LOXHD1: variants seen among roughly 807,000 people sequenced by gnomAD.
LOXHD1 encodes lipoxygenase homology domain-containing protein 1.
Under a neutral mutation model 248.2 loss-of-function variants are expected in LOXHD1, and 205 were observed. The ratio of observed to expected loss-of-function variants is 0.83; its 90% CI spans 0.74 to 0.93. The LOEUF (loss-of-function observed/expected upper bound fraction) is 0.93. Ranked by LOEUF, LOXHD1 falls within the 40% of genes least tolerant of loss-of-function variation. The pLI is 0.00. For synonymous variants in LOXHD1, 1,113 were observed against 1,162.8 expected (o/e 0.96, Z 0.87); for missense variants, 2,930 against 2,971.6 (o/e 0.99, Z 0.33).
Position 46,657,196 on chromosome 18 carries a change from A to C in LOXHD1, c.-163T>G. 2 of 1,165,310 alleles carry C rather than the reference A, an allele frequency of 1.7e-6. No individual in the cohort carries two copies. Among genetic ancestry groups the C allele is most frequent in the Non-Finnish European group, 2.4e-6 (2 of 836,216 alleles). 72.2% of individuals were successfully genotyped at this position (1,165,310 alleles called of 1,614,324 possible). On this transcript the variant is annotated 5_prime_UTR_variant, in exon 1 of 41. Transcript: ENST00000642948. Reference sequence around the variant, plus strand: ...CGTTTTCTTGGCTTCCCCGTGCCCAAGGTGCTGTTCCCTCTGCCTTCTCTG... The same window carrying C: ...CGTTTTCTTGGCTTCCCCGTGCCCACGGTGCTGTTCCCTCTGCCTTCTCTG...
intron 20 of LOXHD1, chr18:46,559,115 C>A: frequency 3.0e-6 from 4 of 1,329,956 alleles, no homozygotes; most frequent in Non-Finnish European, 3.9e-6. Context: ...CCCTAGTTTT[C>A]CCCCAAGACA....
At chr18:46,633,869 T>C (rs1413331868) in intron 4 of LOXHD1, among the ~76,000 whole-genome samples, 1 of 152,230 alleles carries the variant, frequency 6.6e-6, no homozygotes, top group Non-Finnish European at 1.5e-5. Context: ...CATGAAGAGA[T>C]TCTCAACATC....
chr18:46,530,604 G>A (rs1183676798), intron 28 of LOXHD1, among the ~76,000 whole-genome samples: 4 of 152,146 alleles, frequency 2.6e-5, no homozygotes, highest in African/African-American at 7.2e-5. Flanking sequence ...CCTCCCTGCC[G>A]TGAATGAGAT....
At chr18:46,480,222 T>C (rs1463517494) in intron 40 of LOXHD1, among the ~76,000 whole-genome samples, 1 of 152,198 alleles carries the variant, frequency 6.6e-6, no homozygotes, top group Non-Finnish European at 1.5e-5. Flanking sequence ...TTTTGCTCCC[T>C]CTTTGCTTGG....
intron 7 of LOXHD1, among the ~76,000 whole-genome samples, chr18:46,601,994 A>G (rs145342434): frequency 9.4e-4 from 143 of 152,266 alleles, no homozygotes; most frequent in African/African-American, 3.1e-3. Flanking sequence ...TGGTAGGGTG[A>G]GGAGGATTGA....
chr18:46,621,333 C>T (rs1482654012), intron 4 of LOXHD1, among the ~76,000 whole-genome samples: 1 of 152,216 alleles, frequency 6.6e-6, no homozygotes, highest in Non-Finnish European at 1.5e-5. Context: ...TATTACATTA[C>T]TCTTTTACCT....
In LOXHD1 at chr18:46,560,316, CTCT is replaced by C. The variant is rs142960762; in HGVS notation, c.2825_2827del (p.Lys942del). 0.019 allele frequency: 28,718 copies of C among 1,551,740 alleles called. 370 individuals carry two copies. Among genetic ancestry groups the C allele is most frequent in the Middle Eastern group, 0.043 (256 of 5,996 alleles). The stretch of plus-strand genomic sequence containing the variant: ...CTCGTCCTCTTCGTCGCTGCCCTTC[CTCT>C]TCTTCTTCTTCCTCTGCAGCTTGGC... On this transcript the variant is annotated inframe_deletion, in exon 19 of 41. Transcript: ENST00000642948.
chr18:46,571,399 G>A (rs1183918354), intron 15 of LOXHD1, among the ~76,000 whole-genome samples: 2 of 152,220 alleles, frequency 1.3e-5, no homozygotes, highest in Admixed American at 1.3e-4. Flanking sequence ...GAGCCTAGGA[G>A]GCTGAGGCTG....
intron 22 of LOXHD1, among the ~76,000 whole-genome samples, chr18:46,546,648 A>G (rs544012854): frequency 2.0e-5 from 3 of 151,848 alleles, no homozygotes; most frequent in Non-Finnish European, 4.4e-5. Context: ...AATCCATTCC[A>G]TTTCATTTCT....
At chr18:46,582,188 T>G (rs2037977079) in intron 12 of LOXHD1, among the ~76,000 whole-genome samples, 1 of 152,228 alleles carries the variant, frequency 6.6e-6, no homozygotes, top group Non-Finnish European at 1.5e-5. Flanking sequence ...TATCTCATAT[T>G]ACTGCATAAA....
At chr18:46,589,468 G>A (rs1387385306) in intron 12 of LOXHD1, among the ~76,000 whole-genome samples, 1 of 152,160 alleles carries the variant, frequency 6.6e-6, no homozygotes, top group African/African-American at 2.4e-5. Flanking sequence ...CATCACAGGT[G>A]AGCACCAGGA....
At chr18:46,492,252 C>T (rs2033539211) in intron 37 of LOXHD1, among the ~76,000 whole-genome samples, 1 of 152,208 alleles carries the variant, frequency 6.6e-6, no homozygotes, top group Non-Finnish European at 1.5e-5. Context: ...GGTGGATATC[C>T]TACTTGGCCT....
In LOXHD1 at chr18:46,545,318, A is replaced by G; in HGVS notation, c.3618T>C (p.Thr1206=). The change falls in exon 23 of 41, where the codon ACT becomes ACC. Residue 1206 remains threonine, a splice_region_variant and synonymous_variant. Transcript: ENST00000642948. ...CTTGGCCCTGCACTGCTTTCTTACCAGTGTCATCCTGTGTGCCAAAGAGTG... is the reference window on the plus strand; with the variant it reads ...CTTGGCCCTGCACTGCTTTCTTACCGGTGTCATCCTGTGTGCCAAAGAGTG... ...FITLFGTQDD[T]GMTLLKSSKT... 1 of 1,550,064 alleles carries G rather than the reference A, an allele frequency of 6.5e-7. No individual in the cohort carries two copies. The highest frequency in any genetic ancestry group is 8.7e-7 in the Non-Finnish European group (1 of 1,145,378).
chr18:46,525,917 T>A (rs191829117), intron 29 of LOXHD1, among the ~76,000 whole-genome samples: 9 of 152,256 alleles, frequency 5.9e-5, no homozygotes, highest in Admixed American at 5.9e-4. Flanking sequence ...AACAACATCC[T>A]GTGTGAGGAC....
At chr18:46,656,199 G>A (rs1361841172) in intron 1 of LOXHD1, among the ~76,000 whole-genome samples, 2 of 152,168 alleles carry the variant, frequency 1.3e-5, no homozygotes, top group South Asian at 4.1e-4. Flanking sequence ...GTGATAAGCT[G>A]GACGTCCACA....
At chr18:46,549,809 C>A (rs151110305) in intron 21 of LOXHD1, among the ~76,000 whole-genome samples, 2 of 152,114 alleles carry the variant, frequency 1.3e-5, no homozygotes, top group African/African-American at 2.4e-5. Context: ...CTTATAGGAC[C>A]CCCCAGGCCA....
At position 46,608,031 on chromosome 18, in the gene LOXHD1, AGGAG is replaced by A. The variant is rs1464282610; in HGVS notation, c.759+2741_759+2744del. Among the ~76,000 whole-genome samples, 10 of 135,942 alleles carry A rather than the reference AGGAG, an allele frequency of 7.4e-5. No homozygotes were observed. The East Asian group carries it at 1.9e-3, about 26-fold the overall frequency. 89.2% of individuals were successfully genotyped at this position (135,942 alleles called of 152,430 possible). On this transcript the variant is annotated intron_variant, in intron 6 of 40. Coordinates refer to ENST00000642948, the MANE Select transcript of LOXHD1 (RefSeq NM_001384474.1). ...GAAATTAAAAACAAACACGGAAGGA[AGGAG>A]GGAAGGAAGGAAGGAAGGAAGGAAG...
chr18:46,521,141 C>T lies in LOXHD1; in HGVS notation c.5227G>A (p.Val1743Ile), dbSNP rs1001158796. Residue 1743 changes from valine to isoleucine, a missense_variant, in exon 33 of 41, where the codon GTC becomes ATC. Transcript: ENST00000642948. ...ACCATGGCATCCAAGAGGTCGAAGA[C>T]ACGGGAGGTGATGCCGTCGCCTCTG... The part of the protein sequence containing the change: ...KDRGDGITSR[V>I]FDLLDAMVVN... The T allele has an allele frequency of 4.5e-6, 7 of 1,551,752 alleles. No individual in the cohort carries two copies. Among genetic ancestry groups the T allele is most frequent in the Non-Finnish European group, 6.1e-6 (7 of 1,147,018 alleles).
At chr18:46,572,219 G>A (rs1368547730) in intron 14 of LOXHD1, 57 bp from the exon 15 acceptor site, 3 of 1,452,786 alleles carry the variant, frequency 2.1e-6, no homozygotes, top group South Asian at 2.4e-5. Context: ...GACAATCAAA[G>A]CTTCACCCAT....
Sources: gnomAD v4.1 joint callset for allele counts (sites outside exome capture counted in the v4.1 genomes callset) on GRCh38, gnomAD v4.1.1 for gene constraint, MANE v1.5 for transcripts, NCBI Gene and HGNC (gene_info 2026-07-23, HGNC 2026-07-21) for gene names.